The following CPNE5 variants were observed in gnomAD, a reference collection of about 807,000 sequenced individuals.
The protein encoded by CPNE5 is copine-5.
In CPNE5, 42 loss-of-function variants were observed where a neutral mutation model predicts 81.1. That is an observed-to-expected ratio of 0.52 (90% CI 0.40 to 0.67). The LOEUF is 0.67. Ranked by LOEUF, CPNE5 falls within the 30% of genes least tolerant of loss-of-function variation. The pLI is 0.00. For missense variants in CPNE5, 612 were observed against 815.5 expected, an observed-to-expected ratio of 0.75 and a Z score of 3.04; for synonymous variants, 313 against 321.5, an observed-to-expected ratio of 0.97 and a Z score of 0.28.
At chr6:36,806,647 A>C (rs1480780420) in intron 3 of CPNE5, among the ~76,000 whole-genome samples, 1 of 152,138 alleles carries the variant, frequency 6.6e-6, no homozygotes, top group East Asian at 1.9e-4. Flanking sequence ...TCCTGCTGGG[A>C]CCCTCACTGA....
intron 3 of CPNE5, among the ~76,000 whole-genome samples, chr6:36,805,804 C>T (rs1046476994): frequency 2.6e-5 from 4 of 152,210 alleles, no homozygotes; most frequent in African/African-American, 4.8e-5. Context: ...AAGATGGTCC[C>T]AAGGGCTCCT....
chr6:36,765,217 C>T (rs1766449048), intron 11 of CPNE5, 118 bp downstream of exon 11: 4 of 1,087,704 alleles, frequency 3.7e-6, no homozygotes, highest in African/African-American at 1.6e-5. Flanking sequence ...CCCAGGCTCC[C>T]TCACCCCCAG....
At position 36,746,768 on chromosome 6, in the gene CPNE5, C is replaced by T. The variant is rs1478213638; in HGVS notation, c.1019-191G>A. 6.6e-6 allele frequency among the ~76,000 whole-genome samples: 1 copy of T among 152,100 alleles called. No individual in the cohort carries two copies. The highest frequency in any genetic ancestry group is 1.5e-5 in the Non-Finnish European group (1 of 68,004). On this transcript the variant is annotated intron_variant, in intron 15 of 20. Transcript: ENST00000244751. The surrounding 1 kb of genome is among the most constrained non-coding windows in gnomAD (Gnocchi z 4.5). ...ATCCCTCCTCCGCCTCTCCTCCTCC[C>T]CATACCACCACCCTCTTGCTTATAG...
At chr6:36,761,382 C>T (rs779038807) in intron 12 of CPNE5, among the ~76,000 whole-genome samples, 5 of 152,244 alleles carry the variant, frequency 3.3e-5, no homozygotes, top group African/African-American at 4.8e-5. Context: ...ACTGTGTGCC[C>T]GGCAGTGCCC....
At chr6:36,802,291 T>C (rs1431227173) in intron 3 of CPNE5, among the ~76,000 whole-genome samples, 1 of 145,122 alleles carries the variant, frequency 6.9e-6, no homozygotes, top group Non-Finnish European at 1.5e-5. Context: ...TTCCCCACAA[T>C]TATAAAACAA....
At chr6:36,769,522 G>C (rs1431488892) in intron 10 of CPNE5, among the ~76,000 whole-genome samples, 2 of 152,268 alleles carry the variant, frequency 1.3e-5, no homozygotes, top group African/African-American at 4.8e-5. Flanking sequence ...GCCTGGCAGG[G>C]GGAAGGTTTC....
At position 36,743,626 on chromosome 6, in the gene CPNE5, G is replaced by A; in HGVS notation, c.1563+63C>T. On this transcript the variant is annotated intron_variant, in intron 20 of 20. Coordinates refer to ENST00000244751, the MANE Select transcript of CPNE5 (RefSeq NM_020939.2). ...CCAGGGAAGCCCCCAAAGGGGGTGT[G>A]AGGTCCGCCTGGCTAGAGGGGCTCT... 2.0e-6 allele frequency: 3 copies of A among 1,509,048 alleles called. No individual in the cohort carries two copies. The Admixed American group carries it at 5.0e-5, about 25-fold the overall frequency. The allele number at this position is 1,509,048 out of a possible 1,614,324, so 93.5% of individuals were successfully genotyped here.
At chr6:36,831,400 C>G (rs1396240313) in intron 1 of CPNE5, among the ~76,000 whole-genome samples, 1 of 151,952 alleles carries the variant, frequency 6.6e-6, no homozygotes, top group East Asian at 1.9e-4. Flanking sequence ...GTCAACCAGG[C>G]TGGAGTGCAG....
intron 3 of CPNE5, among the ~76,000 whole-genome samples, chr6:36,807,725 G>A (rs1770724791): frequency 6.6e-6 from 1 of 152,134 alleles, no homozygotes; most frequent in South Asian, 2.1e-4. Context: ...TGTATGCGGG[G>A]TGAGACTGGA....
intron 9 of CPNE5, among the ~76,000 whole-genome samples, chr6:36,778,013 G>A (rs551191881): frequency 1.5e-3 from 231 of 152,022 alleles, no homozygotes; most frequent in African/African-American, 5.1e-3. Context: ...TGGCCCCATC[G>A]CTTCCTCATT....
rs561846733 is a variant in CPNE5, at chr6:36,771,855, G to A, written c.737+3106C>T. ...GGGGGGCGGGGGGATAGGCCTGATC[G>A]TTCTTGGAGCCAGAGTGACATCCCT... is the stretch of plus-strand genomic sequence containing the variant. On this transcript the variant is annotated intron_variant, in intron 10 of 20. Transcript: ENST00000244751. 4.6e-5 allele frequency among the ~76,000 whole-genome samples: 7 copies of A among 152,206 alleles called. No homozygotes were observed. The East Asian group carries it at 7.7e-4, about 17-fold the overall frequency.
At chr6:36,775,617 C>A (rs1235881591) in intron 9 of CPNE5, among the ~76,000 whole-genome samples, 1 of 152,218 alleles carries the variant, frequency 6.6e-6, no homozygotes, top group Non-Finnish European at 1.5e-5. Flanking sequence ...CAAACGCCAT[C>A]TCCACGAAAC....
At chr6:36,838,666 C>T in intron 1 of CPNE5, 1 of 625,652 alleles carries the variant, frequency 1.6e-6, no homozygotes, top group Non-Finnish European at 2.0e-6. Flanking sequence ...TTTAATGGTG[C>T]CACTTTAAGT....
chr6:36,839,545 G>C (rs1773843599), upstream of CPNE5: 4 of 542,438 alleles, frequency 7.4e-6, no homozygotes, highest in Admixed American at 1.4e-4. This position sits in a 1 kb window ranked among gnomAD's most constrained non-coding sequence, Gnocchi z 7.3. Context: ...GAGGGAAGAG[G>C]GCGGAGGGAG....
intron 1 of CPNE5, among the ~76,000 whole-genome samples, chr6:36,834,310 A>G: frequency 9.2e-6 from 1 of 108,378 alleles, no homozygotes; most frequent in Admixed American, 9.7e-5. Context: ...GGAGGGAGGG[A>G]GGAAGGAAGG....
chr6:36,778,874 G>C lies in CPNE5; in HGVS notation c.612C>G (p.Tyr204Ter), dbSNP rs1471713977. 2 of 1,604,540 alleles carry C rather than the reference G, an allele frequency of 1.2e-6. No homozygotes were observed. The highest frequency in any genetic ancestry group is 8.5e-7 in the Non-Finnish European group (1 of 1,171,878). Residue 204 changes from tyrosine to a stop codon, truncating the protein, a stop_gained, in exon 9 of 21, where the codon TAC becomes TAG. Transcript: ENST00000244751. LOFTEE classifies it high-confidence loss of function. ...FGKSDPFLVF[Y>*]RSNEDGTFTI... ...CTCACGTTCCATCCTCGTTGCTTCT[G>C]TAGAATACCAAGAAGGGGTCAGATT...
intron 12 of CPNE5, 26 bp downstream of exon 12, chr6:36,762,891 C>T: frequency 6.2e-7 from 1 of 1,604,236 alleles, no homozygotes; most frequent in Middle Eastern, 1.7e-4. Flanking sequence ...GTAGTGCAAA[C>T]CCTGGATTTC....
rs527797208 is a variant in CPNE5 at position 36,768,225 on chromosome 6, C to CTTTTTTTCTTTTTTTTTTTTTTT, written c.738-2850_738-2849insAAAAAAAAAAAAAAAGAAAAAAA. 3.1e-3 allele frequency among the ~76,000 whole-genome samples: 187 copies of CTTTTTTTCTTTTTTTTTTTTTTT among 60,510 alleles called. 28 individuals carry two copies. Among genetic ancestry groups the CTTTTTTTCTTTTTTTTTTTTTTT allele is most frequent in the East Asian group, 6.4e-3 (11 of 1,720 alleles). The allele number at this position is 60,510 out of a possible 152,430, so 39.7% of individuals were successfully genotyped here. ...GGCTTTGACTACTCTATTCACAGTT[C>CTTTTTTTCTTTTTTTTTTTTTTT]TTTTTTTTTTTTTTTTTTTTTTTTT... On this transcript the variant is annotated intron_variant, in intron 10 of 20. Coordinates refer to ENST00000244751, the MANE Select transcript of CPNE5 (RefSeq NM_020939.2).
chr6:36,839,541 A>AGAGGGAG (rs2150643551), upstream of CPNE5: 1 of 545,730 alleles, frequency 1.8e-6, no homozygotes, highest in East Asian at 3.3e-5. This position sits in a 1 kb window ranked among gnomAD's most constrained non-coding sequence, Gnocchi z 7.3. Context: ...GAGAGAGGGA[A>AGAGGGAG]GAGGGCGGAG....
Sources: gnomAD v4.1 joint callset for allele counts (sites outside exome capture counted in the v4.1 genomes callset) on GRCh38, gnomAD v4.1.1 for gene constraint, Gnocchi (gnomAD v3.1) non-coding constraint, MANE v1.5 for transcripts, NCBI Gene and HGNC (gene_info 2026-07-23, HGNC 2026-07-21) for gene names.